POFUT2: variants seen among roughly 807,000 people sequenced by gnomAD.
POFUT2 encodes GDP-fucose protein O-fucosyltransferase 2.
A neutral mutation model predicts 55.0 loss-of-function variants in POFUT2; 30 were observed. The observed-to-expected ratio is 0.55, with a 90% confidence interval of 0.41 to 0.74. The LOEUF (loss-of-function observed/expected upper bound fraction) is 0.74, where lower values mean the gene tolerates loss of function less well. POFUT2 is among the 30% of genes least tolerant of loss of function. The pLI is 0.00. For missense variants in POFUT2, 524 were observed against 562.6 expected (o/e 0.93, Z 0.69); for synonymous variants, 267 against 231.1 (o/e 1.16, Z -1.41).
chr21:45,275,580 C>A (rs1359091906), intron 6 of POFUT2, among the ~76,000 whole-genome samples: 1 of 152,178 alleles, frequency 6.6e-6, no homozygotes, highest in Non-Finnish European at 1.5e-5. Flanking sequence ...TAACAAGGAA[C>A]GAAATGAATG....
At chr21:45,268,943 C>G (rs1232231168) in intron 7 of POFUT2, among the ~76,000 whole-genome samples, 1 of 104,704 alleles carries the variant, frequency 9.6e-6, no homozygotes, top group African/African-American at 4.1e-5. Flanking sequence ...CCAGCCGCCC[C>G]GTCCGGGAGG....
At chr21:45,287,525 C>T (rs1379974577) in intron 1 of POFUT2, among the ~76,000 whole-genome samples, 1 of 106,070 alleles carries the variant, frequency 9.4e-6, no homozygotes, top group East Asian at 2.5e-4. Flanking sequence ...TCCCCTGACC[C>T]CTGCCCCCTG....
Position 45,267,231 on chromosome 21 carries a change from G to A in POFUT2, c.1136+359C>T, listed in dbSNP as rs2093164119. On this transcript the variant is annotated intron_variant, in intron 8 of 8. Transcript: ENST00000349485. This position sits in a 1 kb window ranked among gnomAD's most constrained non-coding sequence, Gnocchi z 4.4. ...GGATGCTCAACAACACAGCAACAAG[G>A]ACATGCCCAAGTCCAGGGCACGGGC... 6 of 1,421,472 alleles carry A rather than the reference G, an allele frequency of 4.2e-6. No individual in the cohort carries two copies. The highest frequency in any genetic ancestry group is 5.5e-6 in the Non-Finnish European group (6 of 1,092,340). 88.1% of individuals were successfully genotyped at this position (1,421,472 alleles called of 1,614,324 possible). A position where few individuals can be genotyped will look rare whatever the true frequency, so the allele number is the denominator to read the frequency against.
At chr21:45,266,189 G>A (rs1358957606) in intron 8 of POFUT2, 1 of 1,367,536 alleles carries the variant, frequency 7.3e-7, no homozygotes, top group South Asian at 1.1e-5. Context: ...TCCGGCTCCT[G>A]CGCAGCTGGT....
chr21:45,278,285 G>T lies in POFUT2; in HGVS notation c.639-116C>A, dbSNP rs1236177638. The T allele has an allele frequency of 3.1e-5, 28 of 894,746 alleles. 1 individual carries two copies. The highest frequency in any genetic ancestry group is 3.1e-4 in the South Asian group (23 of 74,014). 55.4% of individuals were successfully genotyped at this position (894,746 alleles called of 1,614,324 possible). A position where few individuals can be genotyped will look rare whatever the true frequency, so the allele number is the denominator to read the frequency against. ...CCGAGGAAGCAGAGACCAAGTCTCC[G>T]AGGGACACTAACCAGGGCGCGTTGG... is the stretch of plus-strand genomic sequence containing the variant. On this transcript the variant is annotated intron_variant, in intron 4 of 8. Transcript: ENST00000349485.
Position 45,277,197 on chromosome 21 carries a change from C to T in POFUT2, c.706-55G>A. 1 of 1,588,638 alleles carries T rather than the reference C, an allele frequency of 6.3e-7. No homozygotes were observed. The highest frequency in any genetic ancestry group is 1.7e-5 in the Admixed American group (1 of 59,280). On this transcript the variant is annotated intron_variant, in intron 5 of 8. Transcript: ENST00000349485. The surrounding 1 kb of genome is among the most constrained non-coding windows in gnomAD (Gnocchi z 6.9). Reference sequence around the variant, plus strand: ...ACACGCCCGCCCGCCACGCAGCCCTCCCGGAGCGGGTTCTCCTGTCGCTGC... The same window carrying T: ...ACACGCCCGCCCGCCACGCAGCCCTTCCGGAGCGGGTTCTCCTGTCGCTGC...
chr21:45,271,271 T>C (rs1249725598), intron 6 of POFUT2, among the ~76,000 whole-genome samples: 1 of 152,070 alleles, frequency 6.6e-6, no homozygotes, highest in Non-Finnish European at 1.5e-5. Flanking sequence ...AAAGTTTCAA[T>C]AATAGACTAG....
intron 6 of POFUT2, among the ~76,000 whole-genome samples, chr21:45,272,221 T>A (rs2093224650): frequency 6.6e-6 from 1 of 152,148 alleles, no homozygotes; most frequent in Non-Finnish European, 1.5e-5. Flanking sequence ...AAAAAGATAC[T>A]CCATGCAAAT....
chr21:45,266,066 A>T, intron 8 of POFUT2: 7 of 1,253,656 alleles, frequency 5.6e-6, no homozygotes, highest in Non-Finnish European at 6.2e-6. Context: ...ATCCTGAGGC[A>T]CAGTAGACAT....
At chr21:45,287,225 C>A (rs1202889953) in intron 1 of POFUT2, among the ~76,000 whole-genome samples, 2 of 130,238 alleles carry the variant, frequency 1.5e-5, no homozygotes, top group Non-Finnish European at 3.3e-5. Context: ...GCCCCTGTCC[C>A]GTCCCCGTCC....
intron 4 of POFUT2, among the ~76,000 whole-genome samples, chr21:45,280,788 C>T (rs976924441): frequency 2.7e-5 from 4 of 146,120 alleles, no homozygotes; most frequent in Admixed American, 6.8e-5. Flanking sequence ...GCACGGATCC[C>T]GTCTTGGACT....
At chr21:45,271,326 A>C (rs1183654780) in intron 6 of POFUT2, among the ~76,000 whole-genome samples, 1 of 152,228 alleles carries the variant, frequency 6.6e-6, no homozygotes, top group Non-Finnish European at 1.5e-5. Context: ...AAGGTTTTCA[A>C]ATTAGCCCAA....
chr21:45,276,940 A>C lies in POFUT2; in HGVS notation c.831+77T>G, dbSNP rs1177500907. On this transcript the variant is annotated intron_variant, in intron 6 of 8. Transcript: ENST00000349485. ...GACACGCCAACCCTGCTGTGACTTT[A>C]CATGGAAGGCCTGAGTGTGGGGCAT... 6.0e-6 allele frequency: 9 copies of C among 1,504,330 alleles called. No homozygotes were observed. The African/African-American group carries it at 1.2e-4, about 21-fold the overall frequency. The allele number at this position is 1,504,330 out of a possible 1,614,324, so 93.2% of individuals were successfully genotyped here. A position where few individuals can be genotyped will look rare whatever the true frequency, so the allele number is the denominator to read the frequency against.
Position 45,282,882 on chromosome 21 carries a change from G to A in POFUT2, c.528-423C>T, listed in dbSNP as rs1221793199. On this transcript the variant is annotated intron_variant, in intron 3 of 8. Coordinates refer to ENST00000349485, the MANE Select transcript of POFUT2 (RefSeq NM_133635.6). The surrounding 1 kb of genome is among the most constrained non-coding windows in gnomAD (Gnocchi z 4.6). ...CTGACAGCTTTTCCACAGGAGGCCT[G>A]GTAGTGTCAGAGCCTTTAATGGCAA... The A allele has an allele frequency of 2.1e-6, 1 of 476,474 alleles. No individual in the cohort carries two copies. Among genetic ancestry groups the A allele is most frequent in the African/African-American group, 2.0e-5 (1 of 50,378 alleles). 29.5% of individuals were successfully genotyped at this position (476,474 alleles called of 1,614,324 possible).
chr21:45,283,307 GC>G, intron 3 of POFUT2, 75 bp downstream of exon 3: 13 of 702,398 alleles, frequency 1.9e-5, no homozygotes, highest in Admixed American at 2.9e-5. Flanking sequence ...GGCGCCTGAG[GC>G]GGGGGGGGGG....
chr21:45,280,072 GGGTAGAGGACATTCCGCACGGGCACA>G (rs1230490205), intron 4 of POFUT2, among the ~76,000 whole-genome samples: 3 of 152,270 alleles, frequency 2.0e-5, no homozygotes, highest in East Asian at 1.9e-4. Context: ...ACACGGGCGC[GGGTAGAGGACATTCCGCACGGGCACA>G]GGTAGACAAA....
chr21:45,266,599 C>T lies in POFUT2; in HGVS notation c.1137-964G>A, dbSNP rs1303011748. 8.6e-6 allele frequency: 9 copies of T among 1,042,042 alleles called. No individual in the cohort carries two copies. In the South Asian group the frequency reaches 1.6e-4, roughly 18 times the overall value. 64.5% of individuals were successfully genotyped at this position (1,042,042 alleles called of 1,614,324 possible). A position where few individuals can be genotyped will look rare whatever the true frequency, so the allele number is the denominator to read the frequency against. On this transcript the variant is annotated intron_variant, in intron 8 of 8. Transcript: ENST00000349485. ...GTGAGTTCGTAACTGGGCTCCTGCA[C>T]ACCTCCGCCCTGACCTAAGAAGTCA...
chr21:45,285,596 C>G lies in POFUT2; in HGVS notation c.382+82G>C. The G allele has an allele frequency of 6.4e-7, 1 of 1,567,778 alleles. No individual in the cohort carries two copies. Among genetic ancestry groups the G allele is most frequent in the Non-Finnish European group, 8.7e-7 (1 of 1,145,464 alleles). ...TGGTGAGGCTGGATGCAATCGTAAG[C>G]CCAACCTGATGTCTACCTTAGAAAT... On this transcript the variant is annotated intron_variant, in intron 2 of 8. Coordinates refer to ENST00000349485, the MANE Select transcript of POFUT2 (RefSeq NM_133635.6). This position sits in a 1 kb window ranked among gnomAD's most constrained non-coding sequence, Gnocchi z 4.9.
chr21:45,267,772 G>T lies in POFUT2; in HGVS notation c.1013-59C>A. 1.3e-6 allele frequency: 2 copies of T among 1,487,804 alleles called. No homozygotes were observed. Among genetic ancestry groups the T allele is most frequent in the South Asian group, 1.2e-5 (1 of 85,630 alleles). 92.2% of individuals were successfully genotyped at this position (1,487,804 alleles called of 1,614,324 possible). A position where few individuals can be genotyped will look rare whatever the true frequency, so the allele number is the denominator to read the frequency against. On this transcript the variant is annotated intron_variant, in intron 7 of 8. Coordinates refer to ENST00000349485, the MANE Select transcript of POFUT2 (RefSeq NM_133635.6). This position sits in a 1 kb window ranked among gnomAD's most constrained non-coding sequence, Gnocchi z 4.4. ...GATCCTCCAGTAAGGACAGATACGT[G>T]ACTCTTTAGCAGACAGACATGCGTA...
Sources: gnomAD v4.1 joint callset for allele counts (sites outside exome capture counted in the v4.1 genomes callset) on GRCh38, gnomAD v4.1.1 for gene constraint, Gnocchi (gnomAD v3.1) non-coding constraint, MANE v1.5 for transcripts, NCBI Gene and HGNC (gene_info 2026-07-23, HGNC 2026-07-21) for gene names.